The following CISD3 variants were observed in gnomAD, a reference collection of about 807,000 sequenced individuals.
CISD3 encodes CDGSH iron sulfur domain 3, also known as CDGSH iron-sulfur domain-containing protein 3, mitochondrial.
Under a neutral mutation model 14.1 loss-of-function variants are expected in CISD3, and 11 were observed. The observed-to-expected ratio is 0.78, with a 90% CI of 0.49 to 1.29. CISD3 has a LOEUF of 1.29. CISD3 is among the 50% of genes most tolerant of loss of function. CISD3 has a pLI of 0.00. For synonymous variants in CISD3, 53 were observed against 69.2 expected (o/e 0.77, Z 1.16); for missense variants, 156 against 171.6 (o/e 0.91, Z 0.51).
In CISD3 at chr17:38,734,862, G is replaced by A. The variant is rs372690822; in HGVS notation, c.*1407G>A. 6.4e-5 allele frequency: 11 copies of A among 173,194 alleles called. No individual in the cohort carries two copies. The highest frequency in any genetic ancestry group is 6.0e-4 in the East Asian group (4 of 6,652). The allele number at this position is 173,194 out of a possible 1,614,324, so 10.7% of individuals were successfully genotyped here. Reference sequence around the variant, plus strand: ...CACACCACCTGCCTTGGGAAACAGCGAGGATGGTGCAGAGCTTTATTGAGA... The same window carrying A: ...CACACCACCTGCCTTGGGAAACAGCAAGGATGGTGCAGAGCTTTATTGAGA... On this transcript the variant is annotated 3_prime_UTR_variant, in exon 4 of 4. Transcript: ENST00000613478.
At position 38,732,938 on chromosome 17, in the gene CISD3, G is replaced by GACACACACAC. The variant is rs148830489; in HGVS notation, c.205-317_205-308dup. On this transcript the variant is annotated intron_variant, in intron 3 of 3. Coordinates refer to ENST00000613478, the MANE Select transcript of CISD3 (RefSeq NM_001136498.2). ...TTTCATGATCCAGTGGAGACTCAGA[G>GACACACACAC]ACACACACACACACACACACACACA... Among the ~76,000 whole-genome samples the GACACACACAC allele has an allele frequency of 7.4e-3, 861 of 116,642 alleles. 6 individuals are homozygous for GACACACACAC. The highest frequency in any genetic ancestry group is 0.02 in the African/African-American group (706 of 34,666). 76.5% of individuals were successfully genotyped at this position (116,642 alleles called of 152,430 possible).
Position 38,735,180 on chromosome 17 carries a change from G to A in CISD3, c.*1725G>A. ...AAAAAGGGCCCAGAAAAAGTGGAAG[G>A]AGTGGAGAGGCTTGGCTGGAAGAAG... is the stretch of plus-strand genomic sequence containing the variant. On this transcript the variant is annotated 3_prime_UTR_variant, in exon 4 of 4. Transcript: ENST00000613478. 5.3e-6 allele frequency: 7 copies of A among 1,318,616 alleles called. No individual in the cohort carries two copies. The highest frequency in any genetic ancestry group is 6.9e-6 in the Non-Finnish European group (7 of 1,017,686). 81.7% of individuals were successfully genotyped at this position (1,318,616 alleles called of 1,614,324 possible).
In CISD3 at chr17:38,733,602, T is replaced by C; in HGVS notation, c.*147T>C. ...GAAGGAAGAATTATTCCTTATAACC[T>C]AAAAGTCTCCAGTCTGGGGCAGGCG... On this transcript the variant is annotated 3_prime_UTR_variant, in exon 4 of 4. Coordinates refer to ENST00000613478, the MANE Select transcript of CISD3 (RefSeq NM_001136498.2). 1 of 862,882 alleles carries C rather than the reference T, an allele frequency of 1.2e-6. No homozygotes were observed. The highest frequency in any genetic ancestry group is 3.6e-4 in the Middle Eastern group (1 of 2,762). The allele number at this position is 862,882 out of a possible 1,614,324, so 53.5% of individuals were successfully genotyped here. A position where few individuals can be genotyped will look rare whatever the true frequency, so the allele number is the denominator to read the frequency against.
chr17:38,730,698 TTTTA>T, intron 1 of CISD3, 58 bp from the exon 2 acceptor site: 1 of 1,525,340 alleles, frequency 6.6e-7, no homozygotes, highest in South Asian at 1.2e-5. Flanking sequence ...TTTCCACTGA[TTTTA>T]TTTTTCCGTT....
chr17:38,731,419 T>C lies in CISD3; in HGVS notation c.184T>C (p.Cys62Arg), dbSNP rs1906329994. ...VAGKTYRWCVCGRSKKQPFCD... is the reference protein window; with the variant it reads ...VAGKTYRWCVRGRSKKQPFCD... ...AGGGAAAACCTACAGGTGGTGTGTG[T>C]GTGGCCGCAGCAAGAAGCAGGTGAG... is the stretch of plus-strand genomic sequence containing the variant. The change falls in exon 3 of 4, where the codon TGT becomes CGT. Residue 62 changes from cysteine (C) to arginine (R), a missense_variant. Coordinates refer to ENST00000613478, the MANE Select transcript of CISD3 (RefSeq NM_001136498.2). 6.4e-7 allele frequency: 1 copy of C among 1,551,616 alleles called. No individual in the cohort carries two copies. The highest frequency in any genetic ancestry group is 8.7e-7 in the Non-Finnish European group (1 of 1,146,956).
chr17:38,731,418 G>T lies in CISD3; in HGVS notation c.183G>T (p.Val61=). The T allele has an allele frequency of 6.4e-7, 1 of 1,551,658 alleles. No homozygotes were observed. Among genetic ancestry groups the T allele is most frequent in the Non-Finnish European group, 8.7e-7 (1 of 1,146,960 alleles). ...CAGGGAAAACCTACAGGTGGTGTGT[G>T]TGTGGCCGCAGCAAGAAGCAGGTGA... ...LVAGKTYRWC[V]CGRSKKQPFC... Residue 61 remains valine, a synonymous_variant, in exon 3 of 4, where the codon GTG becomes GTT. Coordinates refer to ENST00000613478, the MANE Select transcript of CISD3 (RefSeq NM_001136498.2).
At chr17:38,732,992 C>T (rs1434587950) in intron 3 of CISD3, among the ~76,000 whole-genome samples, 1 of 150,864 alleles carries the variant, frequency 6.6e-6, no homozygotes, top group Non-Finnish European at 1.5e-5. Context: ...GTGTCCTGGC[C>T]CTCTGGGTGT....
intron 1 of CISD3, 46 bp from the exon 2 acceptor site, chr17:38,730,714 C>T (rs1384123250): frequency 6.5e-7 from 1 of 1,549,590 alleles, no homozygotes; most frequent in East Asian, 2.4e-5. Context: ...TTTTCCGTTT[C>T]CAAACCACCG....
chr17:38,732,935 A>ATC (rs1906397611), intron 3 of CISD3, among the ~76,000 whole-genome samples: 2 of 98,500 alleles, frequency 2.0e-5, no homozygotes, highest in Admixed American at 1.1e-4. Context: ...GTGGAGACTC[A>ATC]GAGACACACA....
chr17:38,733,425 G>T lies in CISD3; in HGVS notation c.354G>T (p.Val118=), dbSNP rs752716948. ...ATGGCACCCACAGGAGTGAGCGCGT[G>T]CAGAAGGCAGAAGTGGGCTCCCCAC... The part of the protein sequence containing the change: ...YCDGTHRSER[V]QKAEVGSPL Residue 118 remains valine, a synonymous_variant, in exon 4 of 4, where the codon GTG becomes GTT. Coordinates refer to ENST00000613478, the MANE Select transcript of CISD3 (RefSeq NM_001136498.2). 3.2e-6 allele frequency: 5 copies of T among 1,544,198 alleles called. No homozygotes were observed. The highest frequency in any genetic ancestry group is 4.4e-6 in the Non-Finnish European group (5 of 1,141,688).
chr17:38,735,073 G>T lies in CISD3; in HGVS notation c.*1618G>T. The T allele has an allele frequency of 2.1e-6, 1 of 483,698 alleles. No homozygotes were observed. The highest frequency in any genetic ancestry group is 3.5e-6 in the Non-Finnish European group (1 of 287,680). 30.0% of individuals were successfully genotyped at this position (483,698 alleles called of 1,614,324 possible). On this transcript the variant is annotated 3_prime_UTR_variant, in exon 4 of 4. Coordinates refer to ENST00000613478, the MANE Select transcript of CISD3 (RefSeq NM_001136498.2). ...AGTATGTATATTTGGTTTTTCCTAT[G>T]TACATATATATATATATTTATTTAT...
chr17:38,732,658 C>T (rs1906384493), intron 3 of CISD3, among the ~76,000 whole-genome samples: 1 of 152,096 alleles, frequency 6.6e-6, no homozygotes. Flanking sequence ...TTGGCACCAG[C>T]TCTGCCTTCA....
At chr17:38,730,503 C>A in intron 1 of CISD3, 97 bp downstream of exon 1, 1 of 1,072,676 alleles carries the variant, frequency 9.3e-7, no homozygotes, top group Non-Finnish European at 1.3e-6. Context: ...CATCCCGGAG[C>A]TCCCGGCCCG....
chr17:38,730,548 CT>C, intron 1 of CISD3, 142 bp downstream of exon 1: 3 of 904,134 alleles, frequency 3.3e-6, no homozygotes, highest in Non-Finnish European at 5.0e-6. Context: ...AGCTCACAGG[CT>C]TTTCCCGAGC....
chr17:38,731,686 T>C, intron 3 of CISD3: 1 of 526,870 alleles, frequency 1.9e-6, no homozygotes, highest in Non-Finnish European at 3.4e-6. Context: ...TCCAGTGGGC[T>C]CTTCTGGAGC....
chr17:38,735,345 TC>T lies in CISD3; in HGVS notation c.*1891del, dbSNP rs761034398. On this transcript the variant is annotated 3_prime_UTR_variant, in exon 4 of 4. Transcript: ENST00000613478. ...GCAGCTGTGGTGGCCCCACTGGCTG[TC>T]GAAGGGGGAGTGGGGGAGGTAGGGT... The T allele has an allele frequency of 3.9e-6, 6 of 1,555,832 alleles. No individual in the cohort carries two copies. The South Asian group carries it at 7.1e-5, about 19-fold the overall frequency.
intron 3 of CISD3, 33 bp downstream of exon 3, chr17:38,731,472 T>C: frequency 6.4e-7 from 1 of 1,551,280 alleles, no homozygotes; most frequent in Non-Finnish European, 8.7e-7. Flanking sequence ...TACTGATACC[T>C]CTGGCTAGGA....
rs1598011298 is a variant in CISD3, at chr17:38,735,145, A to G, written c.*1690A>G. 1.8e-6 allele frequency: 2 copies of G among 1,129,536 alleles called. No individual in the cohort carries two copies. The highest frequency in any genetic ancestry group is 6.0e-5 in the East Asian group (2 of 33,422). 70.0% of individuals were successfully genotyped at this position (1,129,536 alleles called of 1,614,324 possible). ...AGGTGGGAAGAGCTGGGGAAAGTAG[A>G]AGAGGTGGAAAAAAGGGCCCAGAAA... On this transcript the variant is annotated 3_prime_UTR_variant, in exon 4 of 4. Coordinates refer to ENST00000613478, the MANE Select transcript of CISD3 (RefSeq NM_001136498.2).
In CISD3 at chr17:38,735,290, G is replaced by A; in HGVS notation, c.*1835G>A. ...GCGCCCCCTGCTGGTGGAGGATGGT[G>A]TCTGCAGGCAGTTCAAGCTACCCCC... On this transcript the variant is annotated 3_prime_UTR_variant, in exon 4 of 4. Coordinates refer to ENST00000613478, the MANE Select transcript of CISD3 (RefSeq NM_001136498.2). 6.7e-7 allele frequency: 1 copy of A among 1,500,306 alleles called. No individual in the cohort carries two copies. The highest frequency in any genetic ancestry group is 9.0e-7 in the Non-Finnish European group (1 of 1,115,240). The allele number at this position is 1,500,306 out of a possible 1,614,324, so 92.9% of individuals were successfully genotyped here.
Sources: gnomAD v4.1 joint callset for allele counts (sites outside exome capture counted in the v4.1 genomes callset) on GRCh38, gnomAD v4.1.1 for gene constraint, MANE v1.5 for transcripts, NCBI Gene and HGNC (gene_info 2026-07-23, HGNC 2026-07-21) for gene names.